The following MBTD1 variants were observed in gnomAD, a reference collection of about 807,000 sequenced individuals.
MBTD1 encodes MBT domain-containing protein 1.
A neutral mutation model predicts 87.8 loss-of-function variants in MBTD1; 24 were observed. The ratio of observed to expected loss-of-function variants is 0.27; its 90% CI spans 0.20 to 0.38. The LOEUF (loss-of-function observed/expected upper bound fraction) is 0.38, where lower values mean the gene tolerates loss of function less well. MBTD1 is among the 10% of genes least tolerant of loss of function. The pLI, the probability that MBTD1 is intolerant of heterozygous loss-of-function variation, is 1.00. For synonymous variants in MBTD1, 237 were observed against 248.6 expected (o/e 0.95, Z 0.44); for missense variants, 436 against 760.2 (o/e 0.57, Z 5.02).
intron 16 of MBTD1, among the ~76,000 whole-genome samples, chr17:51,190,302 T>C (rs1296463787): frequency 1.3e-5 from 2 of 152,158 alleles, no homozygotes; most frequent in Admixed American, 6.5e-5. Context: ...TTTTTGTTTT[T>C]AGAGATGGGG....
At chr17:51,201,982 A>G (rs764645313) in intron 11 of MBTD1, 40 bp downstream of exon 11, 167 of 1,406,116 alleles carry the variant, frequency 1.2e-4, no homozygotes, top group Non-Finnish European at 1.5e-4. Context: ...CCTCTTTCAA[A>G]CCTAATTTAC....
chr17:51,214,347 T>A (rs79634853), intron 6 of MBTD1, among the ~76,000 whole-genome samples: 2 of 152,182 alleles, frequency 1.3e-5, no homozygotes, highest in Non-Finnish European at 2.9e-5. Flanking sequence ...ACTGTTGTAA[T>A]TGAGTGACTG....
chr17:51,235,664 TAGC>T (rs1273885725), intron 2 of MBTD1, among the ~76,000 whole-genome samples: 1 of 152,188 alleles, frequency 6.6e-6, no homozygotes, highest in Non-Finnish European at 1.5e-5. Flanking sequence ...AAAATATTCT[TAGC>T]AAACTAGGAA....
chr17:51,189,037 C>T (rs144650493), intron 16 of MBTD1, among the ~76,000 whole-genome samples: 102 of 152,198 alleles, frequency 6.7e-4, no homozygotes, highest in African/African-American at 2.4e-3. Context: ...GGATTATAGG[C>T]GTGAGCCACC....
Position 51,196,292 on chromosome 17 carries a change from C to T in MBTD1, c.1225-931G>A, listed in dbSNP as rs935867857. 6.7e-4 allele frequency among the ~76,000 whole-genome samples: 101 copies of T among 150,094 alleles called. 2 individuals carry two copies. Among genetic ancestry groups the T allele is most frequent in the Non-Finnish European group, 3.5e-4 (24 of 67,720 alleles). On this transcript the variant is annotated intron_variant, in intron 12 of 16. Coordinates refer to ENST00000586178, the MANE Select transcript of MBTD1 (RefSeq NM_017643.3). ...AGGCTGGAGTGCAATGGGTCAATCT[C>T]GGCTCACTGCAACCTCTGCCTCCTG...
chr17:51,239,840 C>A (rs1031305800), intron 2 of MBTD1, among the ~76,000 whole-genome samples: 12 of 152,072 alleles, frequency 7.9e-5, no homozygotes, highest in African/African-American at 2.9e-4. Context: ...TAAGGATATT[C>A]TCTTACATAA....
At chr17:51,247,156 T>G (rs1244986767) in intron 2 of MBTD1, among the ~76,000 whole-genome samples, 2 of 152,158 alleles carry the variant, frequency 1.3e-5, no homozygotes, top group African/African-American at 2.4e-5. Flanking sequence ...TTCTGAAAAG[T>G]TTTTGTTAGG....
chr17:51,222,786 A>G (rs1416265600), intron 3 of MBTD1, among the ~76,000 whole-genome samples: 1 of 151,442 alleles, frequency 6.6e-6, no homozygotes, highest in African/African-American at 2.4e-5. Flanking sequence ...ATGACTCTCT[A>G]TCAGCCCCTG....
intron 3 of MBTD1, among the ~76,000 whole-genome samples, chr17:51,224,306 T>A (rs1598377294): frequency 6.6e-6 from 1 of 152,246 alleles, no homozygotes; most frequent in Non-Finnish European, 1.5e-5. Flanking sequence ...CTATGGCTCC[T>A]TGGTATGCCT....
At chr17:51,216,331 TTAAG>T (rs1302613734) in intron 6 of MBTD1, among the ~76,000 whole-genome samples, 1 of 152,354 alleles carries the variant, frequency 6.6e-6, no homozygotes, top group East Asian at 1.9e-4. Flanking sequence ...GAAAAGATCT[TTAAG>T]TATTAATTAA....
chr17:51,202,962 C>T (rs117213731), intron 9 of MBTD1, 27 bp from the exon 10 acceptor site: 57 of 1,558,272 alleles, frequency 3.7e-5, no homozygotes, highest in East Asian at 1.1e-4. Context: ...AAAAACTGCT[C>T]GAAATTCATG....
At chr17:51,226,214 TATAAAA>T (rs892347944) in intron 2 of MBTD1, among the ~76,000 whole-genome samples, 2 of 149,484 alleles carry the variant, frequency 1.3e-5, no homozygotes, top group Non-Finnish European at 3.0e-5. Context: ...AAAAAAACCA[TATAAAA>T]ATAATTGTGG....
At chr17:51,189,157 T>C (rs1395308946) in intron 16 of MBTD1, among the ~76,000 whole-genome samples, 8 of 115,806 alleles carry the variant, frequency 6.9e-5, no homozygotes, top group African/African-American at 2.2e-4. Context: ...TAAATATTTA[T>C]ATATATATTT....
intron 16 of MBTD1, among the ~76,000 whole-genome samples, chr17:51,190,712 A>C (rs1258651328): frequency 9.2e-6 from 1 of 108,798 alleles, no homozygotes; most frequent in African/African-American, 4.0e-5. Context: ...ACAGACTGAG[A>C]CTCTGTCTCA....
intron 5 of MBTD1, among the ~76,000 whole-genome samples, chr17:51,218,529 CAA>C (rs58563366): frequency 1.9e-4 from 21 of 110,676 alleles, no homozygotes; most frequent in African/African-American, 4.6e-4. Flanking sequence ...ACTCTGTCTC[CAA>C]AAAAAAAAAA....
At chr17:51,202,626 G>A in intron 10 of MBTD1, 75 bp downstream of exon 10, 1 of 1,098,380 alleles carries the variant, frequency 9.1e-7, no homozygotes, top group Non-Finnish European at 1.4e-6. Flanking sequence ...ATGCAATTCT[G>A]CAGAGAAAAA....
At chr17:51,192,496 A>G (rs1387182982) in intron 15 of MBTD1, 2 of 632,112 alleles carry the variant, frequency 3.2e-6, no homozygotes, top group African/African-American at 3.7e-5. Context: ...CCTACCAATA[A>G]ACTTTTAGTA....
intron 16 of MBTD1, among the ~76,000 whole-genome samples, chr17:51,180,935 G>T (rs922315160): frequency 6.6e-6 from 1 of 151,810 alleles, no homozygotes; most frequent in African/African-American, 2.4e-5. Flanking sequence ...GGGATAATGA[G>T]AATTTTGTTT....
chr17:51,182,020 C>T, intron 16 of MBTD1, among the ~76,000 whole-genome samples: 1 of 152,058 alleles, frequency 6.6e-6, no homozygotes, highest in East Asian at 1.9e-4. Flanking sequence ...GAATCTAGTC[C>T]CGTGTTGAGC....
Sources: gnomAD v4.1 joint callset for allele counts (sites outside exome capture counted in the v4.1 genomes callset) on GRCh38, gnomAD v4.1.1 for gene constraint, MANE v1.5 for transcripts, NCBI Gene and HGNC (gene_info 2026-07-23, HGNC 2026-07-21) for gene names.